SHLD2: variants seen among roughly 807,000 people sequenced by gnomAD.
The protein encoded by SHLD2 is RINN1-REV7-interacting novel NHEJ regulator 2.
In SHLD2, 30 loss-of-function variants were observed where a neutral mutation model predicts 73.2. The ratio of observed to expected loss-of-function variants is 0.41; its 90% CI spans 0.31 to 0.56. The LOEUF (loss-of-function observed/expected upper bound fraction) is 0.56, where lower values mean the gene tolerates loss of function less well. Ranked by LOEUF, SHLD2 falls within the 20% of genes least tolerant of loss-of-function variation. SHLD2 has a pLI of 0.28. For missense variants in SHLD2, 745 were observed against 1,055.9 expected, an observed-to-expected ratio of 0.71 and a Z score of 4.08; for synonymous variants, 285 against 370.1, an observed-to-expected ratio of 0.77 and a Z score of 2.64.
intron 6 of SHLD2, among the ~76,000 whole-genome samples, chr10:87,174,403 T>G (rs1847809553): frequency 1.3e-5 from 2 of 150,668 alleles, no homozygotes; most frequent in South Asian, 2.1e-4. Context: ...TATGTTTATT[T>G]ACTTGGCTTC....
At chr10:87,138,633 G>A (rs1407887953) in intron 2 of SHLD2, among the ~76,000 whole-genome samples, 3 of 152,206 alleles carry the variant, frequency 2.0e-5, no homozygotes. Context: ...TCTGTGAAAG[G>A]AGACTGTAGT....
chr10:87,188,260 T>C (rs10887702), intron 9 of SHLD2, among the ~76,000 whole-genome samples: 47,216 of 152,174 alleles, frequency 0.31, 7,925 homozygotes, highest in South Asian at 0.43. Flanking sequence ...GTGGGTCTTG[T>C]GTGGTCCTGG....
At chr10:87,153,979 A>C (rs1846196417) in intron 3 of SHLD2, 2 of 152,150 alleles carry the variant, frequency 1.3e-5, no homozygotes, top group Non-Finnish European at 2.9e-5. Flanking sequence ...GCACAATCCC[A>C]TTGCTGATCA....
chr10:87,154,940 T>C (rs1846295163), intron 3 of SHLD2, among the ~76,000 whole-genome samples: 1 of 152,056 alleles, frequency 6.6e-6, no homozygotes, highest in Non-Finnish European at 1.5e-5. Context: ...AGTACAATCT[T>C]TTTTGTTTTT....
rs559108574 is a variant in SHLD2, at chr10:87,189,291, G to A, written c.2516-1193G>A. ...GCTGGGATTACAGGCGTGAGCCACC[G>A]TGTCCGGCCTATCTCTTCTTTTTTG... On this transcript the variant is annotated intron_variant, in intron 9 of 9. Transcript: ENST00000298786. Among the ~76,000 whole-genome samples, 23 of 152,312 alleles carry A rather than the reference G, an allele frequency of 1.5e-4. No homozygotes were observed. The East Asian group carries it at 2.9e-3, about 19-fold the overall frequency.
intron 2 of SHLD2, among the ~76,000 whole-genome samples, chr10:87,144,937 CTTTT>C (rs1178507966): frequency 2.8e-5 from 2 of 72,026 alleles, no homozygotes; most frequent in Non-Finnish European, 4.9e-5. Flanking sequence ...GCCTGTAATT[CTTTT>C]TTTTTTTTTT....
intron 8 of SHLD2, 107 bp downstream of exon 8, chr10:87,180,410 A>G: frequency 7.0e-7 from 1 of 1,430,124 alleles, no homozygotes; most frequent in South Asian, 1.4e-5. Flanking sequence ...GAGCTAGTCG[A>G]AGAGAATAAA....
rs1389694778 is a variant in SHLD2, at chr10:87,191,074, TA to T, written c.*397del. ...TGCAGTGCTTTCGCTTATCCCTACC[TA>T]AAAAACCGTCAATGTGAAATCATTT... On this transcript the variant is annotated 3_prime_UTR_variant, in exon 10 of 10. Transcript: ENST00000298786. The T allele has an allele frequency of 1.4e-5, 3 of 217,208 alleles. No individual in the cohort carries two copies. Among genetic ancestry groups the T allele is most frequent in the Non-Finnish European group, 2.7e-5 (3 of 109,144 alleles). The allele number at this position is 217,208 out of a possible 1,614,324, so 13.5% of individuals were successfully genotyped here.
intron 3 of SHLD2, among the ~76,000 whole-genome samples, chr10:87,153,590 ATT>A (rs1294486526): frequency 3.9e-5 from 6 of 152,056 alleles, no homozygotes; most frequent in African/African-American, 1.4e-4. Context: ...CCTTCCAGTT[ATT>A]TTCTCTGTTC....
intron 4 of SHLD2, among the ~76,000 whole-genome samples, chr10:87,166,166 C>T (rs1408410257): frequency 1.3e-5 from 2 of 151,828 alleles, no homozygotes; most frequent in Non-Finnish European, 2.9e-5. Context: ...AGTTATTAAC[C>T]AGTGCAATAA....
At chr10:87,138,458 G>A (rs2992696) in intron 2 of SHLD2, among the ~76,000 whole-genome samples, 4 of 150,720 alleles carry the variant, frequency 2.7e-5, no homozygotes, top group African/African-American at 9.8e-5. Context: ...AAAGACTTTT[G>A]GGACATATCA....
rs543192214 is a variant in SHLD2, at chr10:87,098,174, G to A, written c.-6+1185G>A. ...TCTTCCCCCATTTAGTGAATATTTG[G>A]AGTATTTCTTTTCACACTGTAGGTA... On this transcript the variant is annotated intron_variant, in intron 2 of 9. Coordinates refer to ENST00000298786, the MANE Select transcript of SHLD2 (RefSeq NM_001330112.2). 2.1e-3 allele frequency among the ~76,000 whole-genome samples: 315 copies of A among 152,182 alleles called. 1 individual carries two copies. The highest frequency in any genetic ancestry group is 7.3e-3 in the African/African-American group (301 of 41,516).
chr10:87,170,283 TTAAAAA>T (rs1208017298), intron 4 of SHLD2, among the ~76,000 whole-genome samples, 189 bp from the exon 5 acceptor site: 2 of 152,218 alleles, frequency 1.3e-5, no homozygotes, highest in Admixed American at 1.3e-4. Flanking sequence ...TTTCCATTGA[TTAAAAA>T]TATCAAGTTT....
At chr10:87,173,952 T>C (rs1847778755) in intron 6 of SHLD2, among the ~76,000 whole-genome samples, 1 of 152,146 alleles carries the variant, frequency 6.6e-6, no homozygotes, top group African/African-American at 2.4e-5. Flanking sequence ...TTTAAGAAAT[T>C]GATAGAGAAG....
rs192931907 is a variant in SHLD2, at chr10:87,171,623, G to A, written c.1963+649G>A. Among the ~76,000 whole-genome samples the A allele has an allele frequency of 2.6e-3, 395 of 152,182 alleles. 6 individuals are homozygous for A. Among genetic ancestry groups the A allele is most frequent in the Admixed American group, 0.019 (295 of 15,282 alleles). ...TGTAACAAAGACAGTTTCATTTGTG[G>A]CTTATGAGTTATTTTTCCCTGCTAA... On this transcript the variant is annotated intron_variant, in intron 6 of 9. Coordinates refer to ENST00000298786, the MANE Select transcript of SHLD2 (RefSeq NM_001330112.2).
chr10:87,125,651 T>C (rs1247789234), intron 2 of SHLD2, among the ~76,000 whole-genome samples: 1 of 147,562 alleles, frequency 6.8e-6, no homozygotes, highest in South Asian at 2.2e-4. Context: ...GCAGGAGAAT[T>C]GCTTGAACCC....
intron 2 of SHLD2, among the ~76,000 whole-genome samples, chr10:87,101,157 A>G (rs1842240960): frequency 6.6e-6 from 1 of 152,194 alleles, no homozygotes. Context: ...CTGTGGCATA[A>G]CAAGATTATT....
chr10:87,099,192 T>C (rs2133920782), intron 2 of SHLD2, among the ~76,000 whole-genome samples: 1 of 152,350 alleles, frequency 6.6e-6, no homozygotes, highest in South Asian at 2.1e-4. Context: ...CTTAGAGTTT[T>C]CCTTAGCTGG....
At chr10:87,098,169 A>G (rs1454800806) in intron 2 of SHLD2, among the ~76,000 whole-genome samples, 2 of 152,138 alleles carry the variant, frequency 1.3e-5, no homozygotes. Flanking sequence ...TTTAGTGAAT[A>G]TTTGGAGTAT....
Sources: allele counts gnomAD v4.1 joint callset (sites outside exome capture counted in the v4.1 genomes callset), GRCh38; gene constraint gnomAD v4.1.1; transcripts MANE v1.5; gene names NCBI Gene and HGNC (gene_info 2026-07-23, HGNC 2026-07-21).